The following PCDHGA8 variants were observed in gnomAD, a reference collection of about 807,000 sequenced individuals.
PCDHGA8 encodes protocadherin gamma-A8.
In PCDHGA8, 45 loss-of-function variants were observed where a neutral mutation model predicts 59.2. The ratio of observed to expected loss-of-function variants is 0.76; its 90% CI spans 0.60 to 0.98. The LOEUF is 0.98. PCDHGA8 is among the 50% of genes least tolerant of loss of function. PCDHGA8 has a pLI of 0.00. For synonymous variants in PCDHGA8, 531 were observed against 519.0 expected, an observed-to-expected ratio of 1.02 and a Z score of -0.32; for missense variants, 1,257 against 1,196.2, an observed-to-expected ratio of 1.05 and a Z score of -0.75.
intron 1 of PCDHGA8, among the ~76,000 whole-genome samples, chr5:141,453,061 T>G (rs1351911724): frequency 6.6e-6 from 1 of 152,102 alleles, no homozygotes; most frequent in Non-Finnish European, 1.5e-5. Context: ...AGTTTTAGAG[T>G]TTTGCCACAC....
intron 1 of PCDHGA8, chr5:141,422,637 C>T (rs980166515): frequency 8.7e-5 from 141 of 1,612,568 alleles, no homozygotes; most frequent in Non-Finnish European, 1.2e-4. Flanking sequence ...CCAGGGGTGC[C>T]TCCATCTTCT....
Position 141,489,999 on chromosome 5 carries a change from GA to G in PCDHGA8, c.2425-4806del. On this transcript the variant is annotated intron_variant, in intron 1 of 3. Transcript: ENST00000398604. The surrounding 1 kb of genome is among the most constrained non-coding windows in gnomAD (Gnocchi z 4.5). ...CAGTTCTACGTGTGGGAATCCCAGA[GA>G]ATGCACCCATTGGTACTCTGCTGCT... 1 of 1,614,242 alleles carries G rather than the reference GA, an allele frequency of 6.2e-7. No individual in the cohort carries two copies. Among genetic ancestry groups the G allele is most frequent in the Non-Finnish European group, 8.5e-7 (1 of 1,180,032 alleles).
chr5:141,456,140 G>A (rs1032104368), intron 1 of PCDHGA8, among the ~76,000 whole-genome samples: 38 of 152,022 alleles, frequency 2.5e-4, no homozygotes, highest in African/African-American at 8.7e-4. Flanking sequence ...CTCCTGATCC[G>A]CCCGCCTCGG....
At chr5:141,453,586 C>T (rs1409763264) in intron 1 of PCDHGA8, among the ~76,000 whole-genome samples, 1 of 152,204 alleles carries the variant, frequency 6.6e-6, no homozygotes, top group Non-Finnish European at 1.5e-5. Context: ...GGTTTATCCT[C>T]ACTGTGTTTC....
Position 141,447,955 on chromosome 5 carries a change from G to A in PCDHGA8, c.2425-46852G>A, listed in dbSNP as rs536740280. On this transcript the variant is annotated intron_variant, in intron 1 of 3. Coordinates refer to ENST00000398604, the MANE Select transcript of PCDHGA8 (RefSeq NM_032088.2). ...ACAAAAATTAGCTGGGCATGGTGGC[G>A]GACACCTATAATCCCAGCTACTCGG... Among the ~76,000 whole-genome samples the A allele has an allele frequency of 1.6e-4, 24 of 151,898 alleles. 1 individual carries two copies. The highest frequency in any genetic ancestry group is 8.3e-4 in the South Asian group (4 of 4,816).
At chr5:141,403,776 G>A (rs1312851147) in intron 1 of PCDHGA8, 1 of 1,613,926 alleles carries the variant, frequency 6.2e-7, no homozygotes, top group East Asian at 2.2e-5. Flanking sequence ...GGAATCAACG[G>A]AAAAGTGGCA....
At chr5:141,467,064 T>C (rs1289790911) in intron 1 of PCDHGA8, among the ~76,000 whole-genome samples, 2 of 151,724 alleles carry the variant, frequency 1.3e-5, no homozygotes, top group Middle Eastern at 3.2e-3. Context: ...TCTTTTTTTT[T>C]TTTTTTTAGA....
intron 1 of PCDHGA8, among the ~76,000 whole-genome samples, chr5:141,405,967 G>A (rs76683972): frequency 6.6e-6 from 1 of 152,068 alleles, no homozygotes; most frequent in Non-Finnish European, 1.5e-5. Flanking sequence ...TGCTGTCAAC[G>A]TAAACCATAC....
At chr5:141,455,686 G>A (rs1282071031) in intron 1 of PCDHGA8, among the ~76,000 whole-genome samples, 1 of 152,094 alleles carries the variant, frequency 6.6e-6, no homozygotes. Context: ...AAGGCTGTGG[G>A]AATCGCCAAG....
chr5:141,495,010 G>A (rs1327870362), intron 2 of PCDHGA8, 145 bp downstream of exon 2: 6 of 1,516,970 alleles, frequency 4.0e-6, no homozygotes, highest in Non-Finnish European at 5.3e-6. Context: ...GTGTGCGGGG[G>A]GCTGGCACAC....
intron 1 of PCDHGA8, chr5:141,415,652 A>AG: frequency 6.3e-7 from 1 of 1,590,778 alleles, no homozygotes; most frequent in African/African-American, 1.4e-5. Flanking sequence ...AAAAAAAAAA[A>AG]GATTGGTTTT....
intron 3 of PCDHGA8, among the ~76,000 whole-genome samples, chr5:141,509,880 T>C (rs1475661741): frequency 6.6e-6 from 1 of 152,184 alleles, no homozygotes; most frequent in African/African-American, 2.4e-5. Flanking sequence ...CTGGTGGTGA[T>C]GGTGACTGAC....
In PCDHGA8 at chr5:141,476,780, C is replaced by T. The variant is rs201463036; in HGVS notation, c.2425-18027C>T. On this transcript the variant is annotated intron_variant, in intron 1 of 3. Transcript: ENST00000398604. This position sits in a 1 kb window ranked among gnomAD's most constrained non-coding sequence, Gnocchi z 7.6. ...GCTGACGGCGTTGGACGGAGGGACCCCAGCTCTCTCCGCCAGCCTGCCTAT... is the reference window on the plus strand; with the variant it reads ...GCTGACGGCGTTGGACGGAGGGACCTCAGCTCTCTCCGCCAGCCTGCCTAT... 234 of 1,613,464 alleles carry T rather than the reference C, an allele frequency of 1.5e-4. No individual in the cohort carries two copies. Among genetic ancestry groups the T allele is most frequent in the Non-Finnish European group, 1.9e-4 (227 of 1,180,026 alleles).
At chr5:141,462,043 G>C (rs1310987622) in intron 1 of PCDHGA8, among the ~76,000 whole-genome samples, 1 of 152,100 alleles carries the variant, frequency 6.6e-6, no homozygotes, top group Non-Finnish European at 1.5e-5. Flanking sequence ...GGCGGGTCTT[G>C]AACTCCCGAC....
At chr5:141,419,713 C>T in intron 1 of PCDHGA8, 1 of 1,613,264 alleles carries the variant, frequency 6.2e-7, no homozygotes, top group East Asian at 2.2e-5. Context: ...GGCTCTTCAG[C>T]CTGGGGCTGC....
chr5:141,439,830 C>T (rs2098134193), intron 1 of PCDHGA8: 1 of 152,352 alleles, frequency 6.6e-6, no homozygotes, highest in South Asian at 2.1e-4. Context: ...GCTGGAGCAG[C>T]AGCAACTCTA....
rs2099611311 is a variant in PCDHGA8 at position 141,485,311 on chromosome 5, G to A, written c.2425-9496G>A. 3.1e-6 allele frequency: 5 copies of A among 1,614,174 alleles called. No individual in the cohort carries two copies. The East Asian group carries it at 6.7e-5, about 22-fold the overall frequency. ...AGTCACAGGAAGGGACTTTTGTAGGGAATGTCGCTCAAGATTTCCTGCTGG... is the reference window on the plus strand; with the variant it reads ...AGTCACAGGAAGGGACTTTTGTAGGAAATGTCGCTCAAGATTTCCTGCTGG... On this transcript the variant is annotated intron_variant, in intron 1 of 3. Transcript: ENST00000398604. The surrounding 1 kb of genome is among the most constrained non-coding windows in gnomAD (Gnocchi z 5.7).
intron 1 of PCDHGA8, chr5:141,398,694 T>A: frequency 6.2e-7 from 1 of 1,613,868 alleles, no homozygotes; most frequent in Non-Finnish European, 8.5e-7. Context: ...AGGATGGTAG[T>A]AAATACCCGG....
At chr5:141,494,772 G>C in intron 1 of PCDHGA8, 35 bp from the exon 2 acceptor site, 1 of 1,613,982 alleles carries the variant, frequency 6.2e-7, no homozygotes, top group Non-Finnish European at 8.5e-7. Context: ...ACTTCTCACG[G>C]GTACTCAGCC....
Sources: allele counts gnomAD v4.1 joint callset (sites outside exome capture counted in the v4.1 genomes callset), GRCh38; gene constraint gnomAD v4.1.1; non-coding constraint Gnocchi (gnomAD v3.1); transcripts MANE v1.5; gene names NCBI Gene and HGNC (gene_info 2026-07-23, HGNC 2026-07-21).